PCDH15: variants seen among roughly 807,000 people sequenced by gnomAD.
PCDH15 encodes protocadherin-15.
In PCDH15, 129 loss-of-function variants were observed where a neutral mutation model predicts 178.5. That is an observed-to-expected ratio of 0.72 (90% CI 0.63 to 0.84). PCDH15 has a LOEUF of 0.84. Ranked by LOEUF, PCDH15 falls within the 40% of genes least tolerant of loss-of-function variation. The pLI is 0.00. For missense variants in PCDH15, 2,230 were observed against 2,099.9 expected (o/e 1.06, Z -1.21); for synonymous variants, 800 against 732.0 (o/e 1.09, Z -1.50).
chr10:53,902,959 T>G (rs987985976), intron 26 of PCDH15, among the ~76,000 whole-genome samples: 3 of 152,146 alleles, frequency 2.0e-5, no homozygotes, highest in Admixed American at 2.0e-4. Context: ...ACTGGAGGAA[T>G]ACAAACCATT....
rs531690211 is a variant in PCDH15 at position 54,778,976 on chromosome 10, C to T, written c.-29+21949G>A. Among the ~76,000 whole-genome samples, 249 of 152,152 alleles carry T rather than the reference C, an allele frequency of 1.6e-3. 1 individual carries two copies. The Middle Eastern group carries it at 0.017, about 10-fold the overall frequency. ...CTTTCCTGTTCCAGCCTATCTATTGCTTTTAAATAACTTATGCTGCTCGTG... is the reference window on the plus strand; with the variant it reads ...CTTTCCTGTTCCAGCCTATCTATTGTTTTTAAATAACTTATGCTGCTCGTG... On this transcript the variant is annotated intron_variant, in intron 1 of 37. Transcript: ENST00000644397.
At position 54,179,183 on chromosome 10, in the gene PCDH15, G is replaced by A. The variant is rs1266413042; in HGVS notation, c.1590+4261C>T. ...GGAACCAACCCAAATGTCCAACAAC[G>A]ATAGACTGGATTAAGAAAATGTGGC... On this transcript the variant is annotated intron_variant, in intron 13 of 37. Coordinates refer to ENST00000644397, the MANE Select transcript of PCDH15 (RefSeq NM_001384140.1). 3.3e-5 allele frequency among the ~76,000 whole-genome samples: 5 copies of A among 152,004 alleles called. 1 individual carries two copies. Among genetic ancestry groups the A allele is most frequent in the South Asian group, 2.1e-4 (1 of 4,822 alleles).
intron 2 of PCDH15, among the ~76,000 whole-genome samples, chr10:54,535,204 T>C (rs1017193461): frequency 2.0e-5 from 3 of 152,186 alleles, no homozygotes; most frequent in Admixed American, 1.3e-4. Flanking sequence ...TAAAACAACA[T>C]TGTCTAGTAA....
chr10:54,703,388 G>A lies in PCDH15; in HGVS notation c.-28-39098C>T, dbSNP rs996163944. Among the ~76,000 whole-genome samples the A allele has an allele frequency of 7.9e-5, 12 of 151,556 alleles. No individual in the cohort carries two copies. The South Asian group carries it at 2.3e-3, about 29-fold the overall frequency. ...TTCAAGTCCTAGCCAGAGCAATAAG[G>A]CAAGGGAAAAAAAATAAAAATATAC... is the stretch of plus-strand genomic sequence containing the variant. On this transcript the variant is annotated intron_variant, in intron 1 of 37. Coordinates refer to ENST00000644397, the MANE Select transcript of PCDH15 (RefSeq NM_001384140.1).
At chr10:54,189,272 C>A (rs2048750284) in intron 11 of PCDH15, 1 of 945,522 alleles carries the variant, frequency 1.1e-6, no homozygotes, top group Non-Finnish European at 1.7e-6. Context: ...TGAAGTAATA[C>A]CTACGTGTTT....
At chr10:54,830,612 A>G (rs1474722435) in intron 3 of PCDH15, among the ~76,000 whole-genome samples, 4 of 152,050 alleles carry the variant, frequency 2.6e-5, no homozygotes, top group Admixed American at 2.6e-4. Context: ...GAGGGATAGC[A>G]TTAGGAGACA....
intron 1 of PCDH15, among the ~76,000 whole-genome samples, chr10:55,178,190 A>G (rs1175180188): frequency 1.3e-5 from 2 of 152,124 alleles, no homozygotes; most frequent in African/African-American, 2.4e-5. Flanking sequence ...AGTGGCATTG[A>G]TACATTGTGA....
rs910431823 is a variant in PCDH15, at chr10:55,016,187, T to C, written c.-79-118687A>G. ...GAGATATTTTGATACAGGCATACAA[T>C]GCGTAATAATCACATCAGGGTAAAT... On this transcript the variant is annotated intron_variant, in intron 2 of 5. Transcript: ENST00000458638. Among the ~76,000 whole-genome samples, 4 of 151,394 alleles carry C rather than the reference T, an allele frequency of 2.6e-5. No homozygotes were observed. The East Asian group carries it at 7.8e-4, about 29-fold the overall frequency.
chr10:53,877,046 C>A (rs1427420402), intron 26 of PCDH15, among the ~76,000 whole-genome samples: 1 of 151,944 alleles, frequency 6.6e-6, no homozygotes, highest in Non-Finnish European at 1.5e-5. Context: ...GCCAAATGTT[C>A]CTTTTATTAT....
At chr10:54,898,036 T>A (rs1474271287) in intron 2 of PCDH15, among the ~76,000 whole-genome samples, 1 of 152,106 alleles carries the variant, frequency 6.6e-6, no homozygotes, top group Admixed American at 6.6e-5. Context: ...TGGGAGGTAT[T>A]TGAGTCATGA....
At chr10:54,288,043 G>A (rs2059146871) in intron 8 of PCDH15, among the ~76,000 whole-genome samples, 6 of 152,160 alleles carry the variant, frequency 3.9e-5, no homozygotes, top group Admixed American at 3.3e-4. Flanking sequence ...AGAGAGAAAG[G>A]CCAGGTGTGG....
chr10:54,137,050 C>CA (rs1359369414), intron 14 of PCDH15, among the ~76,000 whole-genome samples: 3 of 152,114 alleles, frequency 2.0e-5, no homozygotes, highest in African/African-American at 7.2e-5. Flanking sequence ...AGCACAGTGT[C>CA]AGAGTTAGCT....
At chr10:54,998,509 T>C (rs917930057) in intron 2 of PCDH15, among the ~76,000 whole-genome samples, 18 of 152,252 alleles carry the variant, frequency 1.2e-4, no homozygotes, top group Non-Finnish European at 7.4e-5. Flanking sequence ...AAAAAAAAAT[T>C]GAAAATGTTT....
intron 2 of PCDH15, among the ~76,000 whole-genome samples, chr10:55,507,899 A>C (rs2132147650): frequency 6.6e-6 from 1 of 151,786 alleles, no homozygotes; most frequent in East Asian, 1.9e-4. Context: ...TGGCTAATTA[A>C]AAAAACATGT....
chr10:53,974,902 T>C (rs1023924429), intron 21 of PCDH15, among the ~76,000 whole-genome samples: 2 of 152,012 alleles, frequency 1.3e-5, no homozygotes, highest in African/African-American at 4.8e-5. Context: ...TAGTACTCAA[T>C]ATGTAGTTTT....
intron 10 of PCDH15, among the ~76,000 whole-genome samples, 153 bp downstream of exon 10, chr10:54,213,783 G>C (rs776898769): frequency 2.2e-4 from 33 of 152,018 alleles, no homozygotes; most frequent in Non-Finnish European, 4.7e-4. Context: ...ATTAAAAGTG[G>C]GCTTCGCTTA....
chr10:54,246,248 A>G lies in PCDH15; in HGVS notation c.877-9317T>C, dbSNP rs147661855. On this transcript the variant is annotated intron_variant, in intron 8 of 37. Coordinates refer to ENST00000644397, the MANE Select transcript of PCDH15 (RefSeq NM_001384140.1). ...ATTATTACAAAGTTATAATTCATTC[A>G]TGTAATCACACTGTGATCAAGAAAT... 8.3e-3 allele frequency among the ~76,000 whole-genome samples: 1,268 copies of G among 152,114 alleles called. 10 individuals are homozygous for G. The highest frequency in any genetic ancestry group is 0.027 in the African/African-American group (1,107 of 41,560).
At chr10:54,344,651 A>G (rs899887029) in intron 6 of PCDH15, among the ~76,000 whole-genome samples, 1 of 152,138 alleles carries the variant, frequency 6.6e-6, no homozygotes, top group Admixed American at 6.6e-5. Flanking sequence ...GCACACGTAC[A>G]ATTAATTCTT....
At chr10:55,071,837 A>C (rs1012676230) in intron 2 of PCDH15, among the ~76,000 whole-genome samples, 2 of 152,158 alleles carry the variant, frequency 1.3e-5, no homozygotes, top group Non-Finnish European at 2.9e-5. Flanking sequence ...AATTGACCAC[A>C]TACTTGGAAG....
Sources: allele counts gnomAD v4.1 joint callset (sites outside exome capture counted in the v4.1 genomes callset), GRCh38; gene constraint gnomAD v4.1.1; transcripts MANE v1.5; gene names NCBI Gene and HGNC (gene_info 2026-07-23, HGNC 2026-07-21).